Variants in PTPN1 observed in about 807,000 individuals in gnomAD.
PTPN1 encodes the protein tyrosine-protein phosphatase non-receptor type 1.
PTPN1 carries 12 observed loss-of-function variants against 59.9 expected under a neutral mutation model. That is an observed-to-expected ratio of 0.20 (90% CI 0.13 to 0.32). PTPN1 has a LOEUF of 0.32. Ranked by LOEUF, PTPN1 falls within the 10% of genes least tolerant of loss-of-function variation. The pLI, the probability that PTPN1 is intolerant of heterozygous loss-of-function variation, is 1.00. For missense variants in PTPN1, 356 were observed against 549.2 expected (o/e 0.65, Z 3.52); for synonymous variants, 178 against 203.6 (o/e 0.87, Z 1.07).
intron 3 of PTPN1, among the ~76,000 whole-genome samples, chr20:50,567,957 G>T (rs1015728024): frequency 1.3e-5 from 2 of 152,232 alleles, no homozygotes; most frequent in Non-Finnish European, 2.9e-5. Context: ...AGTGACTTGC[G>T]CAAGGTCACA....
At chr20:50,544,434 GTGTAA>G (rs1277320963) in intron 1 of PTPN1, among the ~76,000 whole-genome samples, 5 of 152,214 alleles carry the variant, frequency 3.3e-5, no homozygotes, top group African/African-American at 1.2e-4. Flanking sequence ...GGTATTACAG[GTGTAA>G]GCCATTGCGC....
Position 50,524,346 on chromosome 20 carries a change from A to G in PTPN1, c.63+13756A>G, listed in dbSNP as rs149357712. 9.0e-4 allele frequency among the ~76,000 whole-genome samples: 137 copies of G among 152,304 alleles called. 1 individual carries two copies. The highest frequency in any genetic ancestry group is 5.9e-3 in the Admixed American group (91 of 15,298). On this transcript the variant is annotated intron_variant, in intron 1 of 9. Transcript: ENST00000371621. Reference sequence around the variant, plus strand: ...AGTGATAACTTTTATCCAAGTATGTATGCAGATAATCTTTGATTTGTACAA... The same window carrying G: ...AGTGATAACTTTTATCCAAGTATGTGTGCAGATAATCTTTGATTTGTACAA...
intron 1 of PTPN1, among the ~76,000 whole-genome samples, chr20:50,515,358 C>G (rs1019728896): frequency 3.3e-5 from 5 of 152,152 alleles, no homozygotes; most frequent in African/African-American, 9.7e-5. Context: ...TGCTTCCTTG[C>G]ACCAGAGTTT....
intron 1 of PTPN1, among the ~76,000 whole-genome samples, chr20:50,543,282 T>C (rs1050644513): frequency 6.6e-6 from 1 of 152,248 alleles, no homozygotes; most frequent in Non-Finnish European, 1.5e-5. Flanking sequence ...AAAGGAGCAG[T>C]ATTTATTTTA....
chr20:50,564,706 T>C (rs2082770663), intron 2 of PTPN1, among the ~76,000 whole-genome samples: 1 of 152,170 alleles, frequency 6.6e-6, no homozygotes, highest in South Asian at 2.1e-4. Flanking sequence ...TGAGAACAGA[T>C]TTCCCAGATA....
intron 1 of PTPN1, among the ~76,000 whole-genome samples, chr20:50,526,038 C>T (rs946689498): frequency 4.6e-5 from 7 of 151,978 alleles, no homozygotes; most frequent in South Asian, 4.2e-4. Context: ...TTCTGATTTG[C>T]GGAGGAGAGT....
chr20:50,529,954 A>G (rs760469788), intron 1 of PTPN1, among the ~76,000 whole-genome samples: 15 of 152,086 alleles, frequency 9.9e-5, no homozygotes, highest in Non-Finnish European at 1.5e-4. Context: ...GGCTCAGTGC[A>G]ACCTCCGCCT....
At chr20:50,581,139 G>A in intron 8 of PTPN1, 126 bp from the exon 9 acceptor site, 1 of 1,415,046 alleles carries the variant, frequency 7.1e-7, no homozygotes, top group Non-Finnish European at 9.3e-7. Flanking sequence ...TCGCTGGAAG[G>A]TTAACATCAT....
At chr20:50,553,205 TTGTC>T (rs2082711170) in intron 1 of PTPN1, among the ~76,000 whole-genome samples, 1 of 152,236 alleles carries the variant, frequency 6.6e-6, no homozygotes, top group Non-Finnish European at 1.5e-5. Flanking sequence ...TATCTAATTT[TTGTC>T]TGGTGACTAA....
At chr20:50,565,891 CAG>C (rs1304016621) in intron 3 of PTPN1, among the ~76,000 whole-genome samples, 1 of 152,188 alleles carries the variant, frequency 6.6e-6, no homozygotes. Context: ...CTGGGGAAGA[CAG>C]AATGCTCTAT....
chr20:50,551,978 T>G (rs2082703759), intron 1 of PTPN1, among the ~76,000 whole-genome samples: 1 of 152,250 alleles, frequency 6.6e-6, no homozygotes, highest in African/African-American at 2.4e-5. Context: ...AGTTATTTAA[T>G]CTTTGGTTAG....
chr20:50,544,669 C>T (rs1318730652), intron 1 of PTPN1, among the ~76,000 whole-genome samples: 31 of 152,138 alleles, frequency 2.0e-4, no homozygotes, highest in Admixed American at 1.8e-3. Context: ...GGGCTCAAAC[C>T]CACTGGGGAC....
intron 4 of PTPN1, among the ~76,000 whole-genome samples, chr20:50,569,495 C>CTCCTGTGTAGACTG (rs749439830): frequency 1.1e-4 from 16 of 150,508 alleles, no homozygotes; most frequent in South Asian, 4.2e-4. Context: ...GGCAGCCGGC[C>CTCCTGTGTAGACTG]TCCTGTGTAG....
intron 1 of PTPN1, among the ~76,000 whole-genome samples, chr20:50,545,752 A>G (rs1216305896): frequency 6.6e-6 from 1 of 152,150 alleles, no homozygotes. Context: ...TCGGTGGCTC[A>G]CACCTGTAAT....
At position 50,510,804 on chromosome 20, in the gene PTPN1, C is replaced by G. The variant is rs868854805; in HGVS notation, c.63+214C>G. Among the ~76,000 whole-genome samples the G allele has an allele frequency of 3.6e-4, 55 of 152,134 alleles. 1 individual carries two copies. The Middle Eastern group carries it at 0.014, about 38-fold the overall frequency. On this transcript the variant is annotated intron_variant, in intron 1 of 9. Transcript: ENST00000371621. ...GCAGCGTCGGAGCCCCCTTCGATCC[C>G]CCACCTCCCTTCTGTTCTCCAGCTC...
Position 50,575,386 on chromosome 20 carries a change from C to T in PTPN1, c.492+732C>T, listed in dbSNP as rs537602229. ...CCTTACTAGCTCATCACAGTGTCTCCGTTTCCTCTTCTGTCAAACTCAGGT... is the reference window on the plus strand; with the variant it reads ...CCTTACTAGCTCATCACAGTGTCTCTGTTTCCTCTTCTGTCAAACTCAGGT... On this transcript the variant is annotated intron_variant, in intron 5 of 9. Transcript: ENST00000371621. Among the ~76,000 whole-genome samples the T allele has an allele frequency of 4.6e-5, 7 of 152,268 alleles. No homozygotes were observed. The East Asian group carries it at 9.7e-4, about 21-fold the overall frequency.
intron 1 of PTPN1, among the ~76,000 whole-genome samples, chr20:50,556,583 G>A (rs2122770890): frequency 1.3e-5 from 2 of 152,336 alleles, no homozygotes; most frequent in South Asian, 4.1e-4. Flanking sequence ...ATAGCAGAAT[G>A]TGGACATTTT....
rs78611263 is a variant in PTPN1, at chr20:50,536,480, C to T, written c.64-24883C>T. ...ATAAAAGATGCAATGCAAGTGTTTA[C>T]AAAGGAGCTTTGAGCTTGTTTGAAG... On this transcript the variant is annotated intron_variant, in intron 1 of 9. Coordinates refer to ENST00000371621, the MANE Select transcript of PTPN1 (RefSeq NM_002827.4). 9.6e-3 allele frequency among the ~76,000 whole-genome samples: 1,455 copies of T among 152,254 alleles called. 26 individuals carry two copies. The highest frequency in any genetic ancestry group is 0.033 in the African/African-American group (1,351 of 41,530).
At chr20:50,520,298 G>A (rs1306983389) in intron 1 of PTPN1, among the ~76,000 whole-genome samples, 5 of 151,568 alleles carry the variant, frequency 3.3e-5, no homozygotes, top group Non-Finnish European at 5.9e-5. Context: ...TTGAATCTGG[G>A]AGGCGGAGGT....
Sources: gnomAD v4.1 joint callset for allele counts (sites outside exome capture counted in the v4.1 genomes callset) on GRCh38, gnomAD v4.1.1 for gene constraint, MANE v1.5 for transcripts, NCBI Gene and HGNC (gene_info 2026-07-23, HGNC 2026-07-21) for gene names.